ARFIP1: variants seen among roughly 807,000 people sequenced by gnomAD.
ARFIP1 encodes arfaptin-1.
Under a neutral mutation model 42.5 loss-of-function variants are expected in ARFIP1, and 24 were observed. The observed-to-expected ratio is 0.57, with a 90% CI of 0.41 to 0.80. ARFIP1 has a LOEUF of 0.80. Ranked by LOEUF, ARFIP1 falls within the 30% of genes least tolerant of loss-of-function variation. The pLI, the probability that ARFIP1 is intolerant of heterozygous loss-of-function variation, is 0.00. For missense variants in ARFIP1, 354 were observed against 434.0 expected (o/e 0.82, Z 1.64); for synonymous variants, 141 against 153.7 (o/e 0.92, Z 0.61).
Position 152,812,393 on chromosome 4 carries a change from A to G in ARFIP1, c.-9-17232A>G, listed in dbSNP as rs200957095. On this transcript the variant is annotated intron_variant, in intron 1 of 8. Transcript: ENST00000353617. ...ATAAAAGTACAGACAGGGTCTCCCT[A>G]TGTTGCCCAGGCTGGTCTCAAACTC... Among the ~76,000 whole-genome samples the G allele has an allele frequency of 1.6e-4, 25 of 152,242 alleles. No individual in the cohort carries two copies. The East Asian group carries it at 3.1e-3, about 19-fold the overall frequency.
chr4:152,799,870 A>G (rs865986653), intron 1 of ARFIP1, among the ~76,000 whole-genome samples: 1 of 152,146 alleles, frequency 6.6e-6, no homozygotes. Context: ...TGTCTTTGTA[A>G]TTGTCACTCT....
chr4:152,892,109 G>T (rs1463076216), intron 8 of ARFIP1, among the ~76,000 whole-genome samples: 2 of 151,892 alleles, frequency 1.3e-5, no homozygotes, highest in African/African-American at 4.8e-5. Context: ...CTCTCACTAT[G>T]TGGCCCAGGT....
chr4:152,909,545 G>A (rs936409030), intron 8 of ARFIP1, among the ~76,000 whole-genome samples: 3 of 152,122 alleles, frequency 2.0e-5, no homozygotes, highest in Admixed American at 6.5e-5. Flanking sequence ...GAAAATAATT[G>A]AGAGTCATAT....
At chr4:152,886,777 AAC>A (rs1316748823) in intron 7 of ARFIP1, among the ~76,000 whole-genome samples, 1 of 151,976 alleles carries the variant, frequency 6.6e-6, no homozygotes, top group African/African-American at 2.4e-5. Flanking sequence ...TCTACTTTCT[AAC>A]ACAGTGCCTG....
chr4:152,911,464 G>T lies in ARFIP1; in HGVS notation c.*1245G>T, dbSNP rs1366661508. 1 of 152,218 alleles carries T rather than the reference G, an allele frequency of 6.6e-6. No homozygotes were observed. Among genetic ancestry groups the T allele is most frequent in the Non-Finnish European group, 1.5e-5 (1 of 68,008 alleles). 9.4% of individuals were successfully genotyped at this position (152,218 alleles called of 1,614,324 possible). ...ACTGTTTTAGTTGCTCGGCACTGTT[G>T]GTTTTGTTTTAATGTGGTTGCCCTG... is the stretch of plus-strand genomic sequence containing the variant. On this transcript the variant is annotated 3_prime_UTR_variant, in exon 9 of 9. Coordinates refer to ENST00000353617, the MANE Select transcript of ARFIP1 (RefSeq NM_001025595.3).
rs149487891 is a variant in ARFIP1 at position 152,896,590 on chromosome 4, T to TA, written c.966+8287dup. ...CACAAAGAAAAACGGGAAGGATTAA[T>TA]AAAATCAGTTACCTATAGAGGGAAC... On this transcript the variant is annotated intron_variant, in intron 8 of 8. Coordinates refer to ENST00000353617, the MANE Select transcript of ARFIP1 (RefSeq NM_001025595.3). Among the ~76,000 whole-genome samples the TA allele has an allele frequency of 2.8e-4, 43 of 152,184 alleles. No individual in the cohort carries two copies. In the East Asian group the frequency reaches 7.9e-3, roughly 28 times the overall value.
intron 1 of ARFIP1, among the ~76,000 whole-genome samples, chr4:152,825,266 A>G (rs1730739101): frequency 6.6e-6 from 1 of 152,202 alleles, no homozygotes; most frequent in Non-Finnish European, 1.5e-5. Context: ...CAAAAGGAAT[A>G]AATCTAGAGG....
intron 3 of ARFIP1, among the ~76,000 whole-genome samples, chr4:152,864,312 A>G (rs1047853679): frequency 5.9e-5 from 9 of 152,300 alleles, no homozygotes; most frequent in Non-Finnish European, 1.2e-4. Flanking sequence ...CCAAATTAAT[A>G]TTCTTTAAGC....
chr4:152,803,976 T>C (rs1311374176), intron 1 of ARFIP1, among the ~76,000 whole-genome samples: 5 of 54,630 alleles, frequency 9.2e-5, no homozygotes, highest in African/African-American at 2.1e-4. Context: ...TAACATGTAT[T>C]ATATATATTT....
intron 8 of ARFIP1, among the ~76,000 whole-genome samples, chr4:152,889,625 C>CTATATAGTATATATATGCACTATATATAG: frequency 8.5e-6 from 1 of 117,060 alleles, no homozygotes; most frequent in African/African-American, 3.3e-5. Flanking sequence ...CATATATATA[C>CTATATAGTATATATATGCACTATATATAG]TATATAGTAT....
At chr4:152,780,991 TC>T (rs1412322812) in intron 1 of ARFIP1, among the ~76,000 whole-genome samples, 1 of 152,112 alleles carries the variant, frequency 6.6e-6, no homozygotes, top group East Asian at 1.9e-4. Context: ...AGGATTTCTG[TC>T]CCCCGCCCCT....
chr4:152,809,615 A>C (rs1729288813), intron 1 of ARFIP1: 1 of 152,198 alleles, frequency 6.6e-6, no homozygotes, highest in Non-Finnish European at 1.5e-5. Flanking sequence ...CACCAACTAT[A>C]AAATCTTTAT....
intron 1 of ARFIP1, among the ~76,000 whole-genome samples, chr4:152,820,801 A>G (rs1209194258): frequency 6.6e-6 from 1 of 152,170 alleles, no homozygotes; most frequent in Non-Finnish European, 1.5e-5. Context: ...ACCATATCAC[A>G]CACCCAGCAC....
intron 1 of ARFIP1, among the ~76,000 whole-genome samples, chr4:152,789,615 ATCT>A (rs1731033468): frequency 6.6e-6 from 1 of 152,082 alleles, no homozygotes; most frequent in Non-Finnish European, 1.5e-5. Context: ...TTTTTGAAAA[ATCT>A]TCTATAAGAG....
intron 1 of ARFIP1, among the ~76,000 whole-genome samples, chr4:152,826,849 T>A (rs1202322081): frequency 2.0e-5 from 3 of 152,162 alleles, no homozygotes; most frequent in Non-Finnish European, 4.4e-5. Context: ...TTACCCAGCC[T>A]TAAAATGGAA....
At chr4:152,845,170 A>T (rs1399617651) in intron 2 of ARFIP1, among the ~76,000 whole-genome samples, 1 of 152,214 alleles carries the variant, frequency 6.6e-6, no homozygotes, top group Non-Finnish European at 1.5e-5. Context: ...CAGAAGAATG[A>T]AACTGGACTG....
chr4:152,852,564 C>G (rs184517795), intron 2 of ARFIP1, among the ~76,000 whole-genome samples: 26 of 150,878 alleles, frequency 1.7e-4, no homozygotes, highest in African/African-American at 6.1e-4. Flanking sequence ...ACCTGGGAGG[C>G]GGAGGTTGCA....
At chr4:152,796,250 C>G (rs768573479) in intron 1 of ARFIP1, 37 of 1,028,038 alleles carry the variant, frequency 3.6e-5, no homozygotes, top group Non-Finnish European at 4.9e-5. Flanking sequence ...CTTCTTTACA[C>G]CAAGTATTGG....
At chr4:152,794,006 A>G (rs1426113043) in intron 1 of ARFIP1, among the ~76,000 whole-genome samples, 1 of 152,158 alleles carries the variant, frequency 6.6e-6, no homozygotes, top group African/African-American at 2.4e-5. Context: ...AGAATTTCTT[A>G]CTGTTTTTAA....
Sources: gnomAD v4.1 joint callset for allele counts (sites outside exome capture counted in the v4.1 genomes callset) on GRCh38, gnomAD v4.1.1 for gene constraint, MANE v1.5 for transcripts, NCBI Gene and HGNC (gene_info 2026-07-23, HGNC 2026-07-21) for gene names.